NLRP12: variants seen among roughly 807,000 people sequenced by gnomAD.
NLRP12 encodes NLR family pyrin domain containing 12.
A neutral mutation model predicts 91.2 loss-of-function variants in NLRP12; 108 were observed. The ratio of observed to expected loss-of-function variants is 1.18; its 90% CI spans 1.01 to 1.39. NLRP12 has a LOEUF of 1.39. NLRP12 is among the 40% of genes most tolerant of loss of function. The probability of loss-of-function intolerance (pLI) is 0.00; values close to 1 mark genes in which losing one functional copy is unlikely to be tolerated. For synonymous variants in NLRP12, 613 were observed against 566.7 expected, an observed-to-expected ratio of 1.08 and a Z score of -1.16; for missense variants, 1,530 against 1,352.7, an observed-to-expected ratio of 1.13 and a Z score of -2.06.
intron 1 of NLRP12, among the ~76,000 whole-genome samples, chr19:53,815,573 TCC>T (rs1180167701): frequency 3.3e-5 from 5 of 151,080 alleles, no homozygotes; most frequent in Non-Finnish European, 1.5e-5. Flanking sequence ...TCTGGACTCC[TCC>T]CTTGTCAGCT....
At chr19:53,809,209 AAGAG>A (rs1453252715) in intron 3 of NLRP12, among the ~76,000 whole-genome samples, 1 of 130,992 alleles carries the variant, frequency 7.6e-6, no homozygotes, top group African/African-American at 2.9e-5. Context: ...CTAGGAGACC[AAGAG>A]AGACTTAGTT....
At chr19:53,824,316 A>T, upstream of NLRP12, 1 of 774,662 alleles carries the variant, frequency 1.3e-6, no homozygotes, top group Non-Finnish European at 2.2e-6. Context: ...TGGAGGAGAG[A>T]GCAAGGGAGG....
Position 53,824,105 on chromosome 19 carries a change from C to G in NLRP12, c.70G>C (p.Glu24Gln). Residue 24 changes from glutamate to glutamine, a missense_variant, in exon 1 of 10, where the codon GAA becomes CAA. Coordinates refer to ENST00000324134, the MANE Select transcript of NLRP12 (RefSeq NM_144687.4). The part of the protein sequence containing the change: ...STYLEELEAV[E>Q]LKKFKLYLGT... The stretch of plus-strand genomic sequence containing the variant: ...AGGTATAACTTGAACTTCTTCAGTT[C>G]CACAGCCTCGAGTTCTTCCAAGTAG... 9 of 1,614,144 alleles carry G rather than the reference C, an allele frequency of 5.6e-6. No homozygotes were observed. The highest frequency in any genetic ancestry group is 6.8e-6 in the Non-Finnish European group (8 of 1,180,018).
chr19:53,811,251 T>G lies in NLRP12; in HGVS notation c.408A>C (p.Lys136Asn), dbSNP rs1180696887. 3 of 1,613,978 alleles carry G rather than the reference T, an allele frequency of 1.9e-6. No homozygotes were observed. Among genetic ancestry groups the G allele is most frequent in the Middle Eastern group, 3.3e-4 (2 of 6,062 alleles). ...CATTGCGGTCTTCCATGAGCCGGAA[T>G]TTCCTGCGGACATAGTCCCTGTAGG... The part of the protein sequence containing the change: ...QETYRDYVRR[K>N]FRLMEDRNAR... The change falls in exon 3 of 10, where the codon AAA (lysine) becomes AAC (asparagine). Residue 136 changes from lysine (K) to asparagine (N), a missense_variant. Coordinates refer to ENST00000324134, the MANE Select transcript of NLRP12 (RefSeq NM_144687.4).
chr19:53,807,582 G>A lies in NLRP12; in HGVS notation c.2156C>T (p.Ser719Phe). The A allele has an allele frequency of 6.2e-7, 1 of 1,614,124 alleles. No individual in the cohort carries two copies. Among genetic ancestry groups the A allele is most frequent in the Non-Finnish European group, 8.5e-7 (1 of 1,180,018 alleles). The change falls in exon 4 of 10, where the codon TCT becomes TTT. Residue 719 changes from serine to phenylalanine, a missense_variant. Transcript: ENST00000324134. ...GCTGCCCAGGGCATTTCGGTACAGA[G>A]ACAGCTCTATCAGGTTTGGATTGGT... is the stretch of plus-strand genomic sequence containing the variant. ...LCTNPNLIEL[S>F]LYRNALGSRG...
At position 53,805,439 on chromosome 19, in the gene NLRP12, C is replaced by T. The variant is rs1212259828; in HGVS notation, c.2255G>A (p.Cys752Tyr). 1 of 1,613,922 alleles carries T rather than the reference C, an allele frequency of 6.2e-7. No homozygotes were observed. The highest frequency in any genetic ancestry group is 1.7e-5 in the Admixed American group (1 of 59,992). Residue 752 changes from cysteine (C) to tyrosine (Y), a missense_variant, in exon 5 of 10, where the codon TGC becomes TAC. Cys to Tyr is a radical substitution (Grantham distance 194, BLOSUM62 -2). Coordinates refer to ENST00000324134, the MANE Select transcript of NLRP12 (RefSeq NM_144687.4). ...CKLQNLRLKR[C>Y]RISSSACEDL... Reference sequence around the variant, plus strand: ...CTCGCAGGCTGAGCTGGAGATGCGGCACCTCTTCAGCCTGGGGTGGAAAAG... The same window carrying T: ...CTCGCAGGCTGAGCTGGAGATGCGGTACCTCTTCAGCCTGGGGTGGAAAAG...
At chr19:53,795,088 CCACCATACCTGGTGTGTGCGT>C (rs2091726067) in intron 9 of NLRP12, among the ~76,000 whole-genome samples, 1 of 142,388 alleles carries the variant, frequency 7.0e-6, no homozygotes, top group Non-Finnish European at 1.5e-5. Context: ...GAGGTGTGTG[CCACCATACCTGGTGTGTGCGT>C]GTGTGTGTGT....
chr19:53,817,555 G>C (rs180673445), intron 1 of NLRP12, among the ~76,000 whole-genome samples: 4 of 151,356 alleles, frequency 2.6e-5, no homozygotes, highest in African/African-American at 9.7e-5. Flanking sequence ...GACCAACATG[G>C]AGAAACCCCA....
At chr19:53,823,460 T>TAAA (rs376319221) in intron 1 of NLRP12, among the ~76,000 whole-genome samples, 2 of 111,196 alleles carry the variant, frequency 1.8e-5, no homozygotes, top group South Asian at 2.5e-4. Flanking sequence ...ATATATATTT[T>TAAA]AAATATATAT....
chr19:53,798,594 G>C (rs2091813141), intron 7 of NLRP12, among the ~76,000 whole-genome samples, 181 bp from the exon 8 acceptor site: 1 of 152,130 alleles, frequency 6.6e-6, no homozygotes, highest in African/African-American at 2.4e-5. Context: ...AGGAATAAGA[G>C]AACAGAAGGA....
intron 9 of NLRP12, among the ~76,000 whole-genome samples, chr19:53,794,961 T>G (rs1355960904): frequency 6.6e-6 from 1 of 152,054 alleles, no homozygotes; most frequent in African/African-American, 2.4e-5. Context: ...TTGGCCTTTT[T>G]TTTCTTGAGA....
chr19:53,818,890 A>G (rs1474267468), intron 1 of NLRP12, among the ~76,000 whole-genome samples: 1 of 152,120 alleles, frequency 6.6e-6, no homozygotes, highest in Non-Finnish European at 1.5e-5. Flanking sequence ...GCACAGTAAC[A>G]TGAGAACTGC....
intron 1 of NLRP12, among the ~76,000 whole-genome samples, chr19:53,817,552 A>G (rs1220929344): frequency 6.7e-6 from 1 of 150,252 alleles, no homozygotes; most frequent in Non-Finnish European, 1.5e-5. Context: ...TCTGACCAAC[A>G]TGGAGAAACC....
intron 4 of NLRP12, among the ~76,000 whole-genome samples, chr19:53,806,411 C>T (rs540911913): frequency 2.7e-5 from 4 of 148,868 alleles, no homozygotes; most frequent in East Asian, 4.2e-4. Context: ...TGGCTGGGCA[C>T]GGTGGCTCAG....
At chr19:53,796,402 C>G (rs1332630936) in intron 8 of NLRP12, among the ~76,000 whole-genome samples, 1 of 127,896 alleles carries the variant, frequency 7.8e-6, no homozygotes, top group Non-Finnish European at 1.6e-5. Flanking sequence ...CAGGCGAGAG[C>G]CACCACACCC....
chr19:53,796,852 G>A (rs1380442697), intron 8 of NLRP12, among the ~76,000 whole-genome samples: 3 of 150,322 alleles, frequency 2.0e-5, no homozygotes, highest in South Asian at 2.2e-4. Context: ...AAAATTAGCC[G>A]GGGTGGTGGC....
At position 53,810,524 on chromosome 19, in the gene NLRP12, G is replaced by A. The variant is rs866890466; in HGVS notation, c.1135C>T (p.His379Tyr). ...ACTTGGCCCGCCTGCTCTGCATTGT[G>A]GAAATACTTGTAGAAGTATTCCTTC... ...ERKEYFYKYF[H>Y]NAEQAGQVFN... is the part of the protein sequence containing the mutation. Residue 379 changes from histidine to tyrosine, a missense_variant, in exon 3 of 10, where the codon CAC becomes TAC. Physicochemically the swap from His to Tyr is moderately conservative, Grantham distance 83. Transcript: ENST00000324134. 1 of 1,614,112 alleles carries A rather than the reference G, an allele frequency of 6.2e-7. No homozygotes were observed. Among genetic ancestry groups the A allele is most frequent in the Non-Finnish European group, 8.5e-7 (1 of 1,180,010 alleles).
At chr19:53,808,684 ACT>A (rs984306837) in intron 3 of NLRP12, 4 of 152,230 alleles carry the variant, frequency 2.6e-5, no homozygotes, top group East Asian at 1.9e-4. Flanking sequence ...ACAGAGCCAC[ACT>A]CTCTCAAGAA....
Position 53,817,697 on chromosome 19 carries a change from C to G in NLRP12, c.290-2709G>C, listed in dbSNP as rs1203019116. On this transcript the variant is annotated intron_variant, in intron 1 of 9. Coordinates refer to ENST00000324134, the MANE Select transcript of NLRP12 (RefSeq NM_144687.4). ...GTTGCAGTGAGCCGAGATCGCGCCACTGCACTCCAGCCTAGGCAACAAGAG... is the reference window on the plus strand; with the variant it reads ...GTTGCAGTGAGCCGAGATCGCGCCAGTGCACTCCAGCCTAGGCAACAAGAG... Among the ~76,000 whole-genome samples the G allele has an allele frequency of 3.3e-5, 5 of 152,008 alleles. No homozygotes were observed. The East Asian group carries it at 9.7e-4, about 29-fold the overall frequency.
Sources: allele counts gnomAD v4.1 joint callset (sites outside exome capture counted in the v4.1 genomes callset), GRCh38; gene constraint gnomAD v4.1.1; transcripts MANE v1.5; gene names NCBI Gene and HGNC (gene_info 2026-07-23, HGNC 2026-07-21).